Variants in TMEM132D observed in about 807,000 individuals in gnomAD.
TMEM132D encodes the protein mature OL transmembrane protein.
Under a neutral mutation model 62.3 loss-of-function variants are expected in TMEM132D, and 21 were observed. That is an observed-to-expected ratio of 0.34 (90% CI 0.24 to 0.49). The LOEUF (loss-of-function observed/expected upper bound fraction) is 0.49. Among genes scored for constraint, TMEM132D ranks in the 20% least tolerant of loss-of-function variants. The probability of loss-of-function intolerance (pLI) is 0.99; values close to 1 mark genes in which losing one functional copy is unlikely to be tolerated. For missense variants in TMEM132D, 1,346 were observed against 1,402.8 expected (o/e 0.96, Z 0.65); for synonymous variants, 621 against 575.6 (o/e 1.08, Z -1.13).
chr12:129,518,045 A>G (rs890066536), intron 3 of TMEM132D, among the ~76,000 whole-genome samples: 1 of 152,206 alleles, frequency 6.6e-6, no homozygotes, highest in Non-Finnish European at 1.5e-5. Flanking sequence ...GATGAATATA[A>G]CTACAAGATC....
intron 3 of TMEM132D, among the ~76,000 whole-genome samples, chr12:129,472,710 C>T (rs898233557): frequency 2.0e-5 from 3 of 152,180 alleles, no homozygotes; most frequent in Non-Finnish European, 4.4e-5. Context: ...AATATTGCTT[C>T]AACCTAGTTG....
At chr12:129,163,672 C>T (rs766133111) in intron 5 of TMEM132D, among the ~76,000 whole-genome samples, 2 of 152,242 alleles carry the variant, frequency 1.3e-5, no homozygotes, top group African/African-American at 4.8e-5. Context: ...CACCAACTCC[C>T]GCTCCCTGCC....
Position 129,281,332 on chromosome 12 carries a change from G to A in TMEM132D, c.1299+56302C>T, listed in dbSNP as rs552890903. Among the ~76,000 whole-genome samples, 170 of 151,576 alleles carry A rather than the reference G, an allele frequency of 1.1e-3. 2 individuals carry two copies. The highest frequency in any genetic ancestry group is 3.9e-3 in the African/African-American group (163 of 41,276). ...TGTAACCTCCATCTGGTCAGGATGT[G>A]CACACACACACAACTGTGGCACTTC... On this transcript the variant is annotated intron_variant, in intron 4 of 8. Transcript: ENST00000422113.
At chr12:129,584,467 T>C (rs941444983) in intron 2 of TMEM132D, among the ~76,000 whole-genome samples, 3 of 152,224 alleles carry the variant, frequency 2.0e-5, no homozygotes, top group Admixed American at 2.0e-4. Flanking sequence ...TTTGGCCTCA[T>C]GGTGGGTGGG....
intron 4 of TMEM132D, among the ~76,000 whole-genome samples, chr12:129,271,205 T>G (rs920997033): frequency 2.0e-5 from 3 of 149,124 alleles, no homozygotes; most frequent in Admixed American, 6.6e-5. Context: ...GGAAAAAAAA[T>G]AAGACACCCA....
chr12:129,814,186 G>A (rs1872275279), intron 1 of TMEM132D, among the ~76,000 whole-genome samples: 1 of 152,108 alleles, frequency 6.6e-6, no homozygotes, highest in African/African-American at 2.4e-5. Flanking sequence ...AGGTTGGATT[G>A]GCAGTTACCA....
chr12:129,230,747 G>A (rs1879615876), intron 4 of TMEM132D, among the ~76,000 whole-genome samples: 1 of 152,210 alleles, frequency 6.6e-6, no homozygotes. Context: ...GGGTGTCTCA[G>A]AGTCACTGGG....
At chr12:129,077,712 TACAA>T (rs145098840) in intron 8 of TMEM132D, among the ~76,000 whole-genome samples, 11 of 150,814 alleles carry the variant, frequency 7.3e-5, no homozygotes, top group East Asian at 3.9e-4. Flanking sequence ...TATGCACACA[TACAA>T]ACAACAAATA....
chr12:129,251,089 G>A (rs1457822392), intron 4 of TMEM132D, among the ~76,000 whole-genome samples: 1 of 152,120 alleles, frequency 6.6e-6, no homozygotes, highest in Non-Finnish European at 1.5e-5. Flanking sequence ...TGGGCGCCGT[G>A]GCTCACGCCT....
chr12:129,082,122 A>G (rs1394626964), intron 6 of TMEM132D, 90 bp from the exon 7 acceptor site: 3 of 1,478,776 alleles, frequency 2.0e-6, no homozygotes, highest in African/African-American at 1.4e-5. Context: ...CTGCAGAGGT[A>G]GGTAGGCCAT....
At chr12:129,351,680 C>A (rs1211412247) in intron 3 of TMEM132D, among the ~76,000 whole-genome samples, 1 of 152,132 alleles carries the variant, frequency 6.6e-6, no homozygotes, top group African/African-American at 2.4e-5. Context: ...TCTTGGAATG[C>A]CTTTCTGCTT....
At chr12:129,154,015 T>C (rs1351168391) in intron 5 of TMEM132D, among the ~76,000 whole-genome samples, 2 of 152,218 alleles carry the variant, frequency 1.3e-5, no homozygotes, top group African/African-American at 4.8e-5. Context: ...TCCTCTTTCA[T>C]TTTCAAAATC....
intron 3 of TMEM132D, among the ~76,000 whole-genome samples, chr12:129,361,331 C>A (rs1870242570): frequency 6.6e-6 from 1 of 152,098 alleles, no homozygotes; most frequent in South Asian, 2.1e-4. Flanking sequence ...CTCTTCCTGC[C>A]CAATGTCTCT....
intron 5 of TMEM132D, among the ~76,000 whole-genome samples, chr12:129,201,396 G>A (rs1878700384): frequency 6.6e-6 from 1 of 152,166 alleles, no homozygotes; most frequent in Admixed American, 6.5e-5. Context: ...CAGGGGACAT[G>A]GGTTGCTTTT....
Position 129,372,030 on chromosome 12 carries a change from G to A in TMEM132D, c.1116-34213C>T, listed in dbSNP as rs140851588. On this transcript the variant is annotated intron_variant, in intron 3 of 8. Transcript: ENST00000422113. ...GGTAGCTGATAAATGTTGTTTCTGG[G>A]TATGTCTGTGAAGATATTTCTGGAA... Among the ~76,000 whole-genome samples, 322 of 152,300 alleles carry A rather than the reference G, an allele frequency of 2.1e-3. 2 individuals carry two copies. Among genetic ancestry groups the A allele is most frequent in the African/African-American group, 7.1e-3 (297 of 41,562 alleles).
rs148651658 is a variant in TMEM132D at position 129,687,877 on chromosome 12, G to A, written c.968+11933C>T. On this transcript the variant is annotated intron_variant, in intron 2 of 8. Coordinates refer to ENST00000422113, the MANE Select transcript of TMEM132D (RefSeq NM_133448.3). ...ACAATGAACCACCTGTTAGGACATT[G>A]TAGGGAGATTACATGAAACCACAGA... 2.8e-4 allele frequency among the ~76,000 whole-genome samples: 43 copies of A among 152,258 alleles called. No individual in the cohort carries two copies. In the East Asian group the frequency reaches 8.1e-3, roughly 29 times the overall value.
chr12:129,737,994 T>A (rs1869482596), intron 1 of TMEM132D, among the ~76,000 whole-genome samples: 1 of 152,238 alleles, frequency 6.6e-6, no homozygotes, highest in Non-Finnish European at 1.5e-5. Context: ...TGATAATTTA[T>A]AAGGATCATT....
chr12:129,585,060 T>C (rs754526307), intron 2 of TMEM132D, among the ~76,000 whole-genome samples: 1 of 152,092 alleles, frequency 6.6e-6, no homozygotes, highest in South Asian at 2.1e-4. Context: ...ATTAAAGAAA[T>C]GGATACAAAT....
chr12:129,776,080 C>T (rs948951152), intron 1 of TMEM132D, among the ~76,000 whole-genome samples: 2 of 151,984 alleles, frequency 1.3e-5, no homozygotes, highest in African/African-American at 2.4e-5. Context: ...TGATTTCAAC[C>T]GAATAATTCC....
Sources: gnomAD v4.1 joint callset for allele counts (sites outside exome capture counted in the v4.1 genomes callset) on GRCh38, gnomAD v4.1.1 for gene constraint, MANE v1.5 for transcripts, NCBI Gene and HGNC (gene_info 2026-07-23, HGNC 2026-07-21) for gene names.